Variants in POLR2F observed in about 807,000 individuals in gnomAD.
POLR2F encodes the protein DNA-directed RNA polymerases I, II, and III subunit RPABC2.
Under a neutral mutation model 22.7 loss-of-function variants are expected in POLR2F, and 12 were observed. That is an observed-to-expected ratio of 0.53 (90% CI 0.34 to 0.86). The LOEUF is 0.86. POLR2F is among the 40% of genes least tolerant of loss of function. The pLI is 0.02. For synonymous variants in POLR2F, 57 were observed against 66.0 expected (o/e 0.86, Z 0.66); for missense variants, 126 against 171.5 (o/e 0.73, Z 1.48).
At chr22:37,976,502 G>A (rs1021391528) in intron 4 of POLR2F, among the ~76,000 whole-genome samples, 16 of 152,206 alleles carry the variant, frequency 1.1e-4, no homozygotes, top group African/African-American at 3.1e-4. Flanking sequence ...GTAGGACTCA[G>A]AGCGTGTCCT....
intron 2 of POLR2F, 29 bp downstream of exon 2, chr22:37,956,871 C>T: frequency 1.3e-6 from 2 of 1,570,500 alleles, no homozygotes; most frequent in South Asian, 1.1e-5. Flanking sequence ...GCTCCCACCT[C>T]TGCAGCCCAA....
At chr22:37,976,623 C>T (rs902758518) in intron 4 of POLR2F, among the ~76,000 whole-genome samples, 1 of 152,132 alleles carries the variant, frequency 6.6e-6, no homozygotes, top group South Asian at 2.1e-4. Context: ...AGCAGATGCC[C>T]GGGAGCCAAA....
chr22:38,018,918 G>A (rs555564143), intron 1 of POLR2F, among the ~76,000 whole-genome samples: 1 of 152,142 alleles, frequency 6.6e-6, no homozygotes, highest in Non-Finnish European at 1.5e-5. Context: ...AGGATGGCTC[G>A]GGCACATGAA....
chr22:37,955,182 G>A (rs868366801), intron 1 of POLR2F, among the ~76,000 whole-genome samples: 1 of 151,690 alleles, frequency 6.6e-6, no homozygotes, highest in Non-Finnish European at 1.5e-5. Flanking sequence ...GGCTATAGGG[G>A]GAGAGAGAAG....
intron 2 of POLR2F, among the ~76,000 whole-genome samples, chr22:37,958,178 C>A (rs1432852932): frequency 6.7e-6 from 1 of 150,344 alleles, no homozygotes; most frequent in Admixed American, 6.7e-5. Flanking sequence ...ATGCCCAGCT[C>A]AGAGTCAACT....
chr22:38,010,911 C>A (rs1444101505), intron 1 of POLR2F, among the ~76,000 whole-genome samples: 2 of 152,064 alleles, frequency 1.3e-5, no homozygotes, highest in African/African-American at 4.8e-5. Context: ...GCCACTGCAC[C>A]CAGCCTTAAT....
At chr22:38,012,297 G>T (rs760445859) in intron 1 of POLR2F, among the ~76,000 whole-genome samples, 1 of 152,110 alleles carries the variant, frequency 6.6e-6, no homozygotes, top group Non-Finnish European at 1.5e-5. Flanking sequence ...GGCCAGGCTG[G>T]TCTCGAACTC....
At chr22:38,035,584 C>T (rs2145835118) in intron 5 of POLR2F, among the ~76,000 whole-genome samples, 4 of 152,356 alleles carry the variant, frequency 2.6e-5, no homozygotes, top group Admixed American at 2.6e-4. Context: ...ACCGGCCTCT[C>T]TGCCATCTGA....
At chr22:38,039,103 C>G (rs2085146676) in intron 5 of POLR2F, among the ~76,000 whole-genome samples, 1 of 152,244 alleles carries the variant, frequency 6.6e-6, no homozygotes, top group African/African-American at 2.4e-5. Flanking sequence ...CCGGGAGCGG[C>G]TCCCCTCTGA....
At chr22:38,005,192 G>A (rs937632720) in intron 1 of POLR2F, among the ~76,000 whole-genome samples, 1 of 152,230 alleles carries the variant, frequency 6.6e-6, no homozygotes, top group Non-Finnish European at 1.5e-5. Context: ...GAGCACTCAG[G>A]AAGTGGTAGG....
At chr22:37,959,210 C>A (rs1053081410) in intron 2 of POLR2F, 136 bp from the exon 3 acceptor site, 2 of 788,020 alleles carry the variant, frequency 2.5e-6, no homozygotes, top group African/African-American at 3.5e-5. Flanking sequence ...TGTTAGGAAG[C>A]AGTTATGTGG....
intron 2 of POLR2F, chr22:38,026,227 G>A (rs1261033609): frequency 1.9e-6 from 1 of 532,840 alleles, no homozygotes; most frequent in Non-Finnish European, 3.9e-6. Flanking sequence ...TGAATAGGCA[G>A]CTTCTGAGCA....
downstream of POLR2F, among the ~76,000 whole-genome samples, chr22:38,028,739 G>A (rs947655464): frequency 5.9e-5 from 9 of 152,088 alleles, no homozygotes; most frequent in Non-Finnish European, 1.2e-4. Context: ...AGCCTGTCCC[G>A]CTCCTGCACA....
chr22:38,003,073 G>A (rs1029512152), intron 1 of POLR2F, among the ~76,000 whole-genome samples: 6 of 152,096 alleles, frequency 3.9e-5, no homozygotes, highest in Non-Finnish European at 8.8e-5. Context: ...AAGGTTCAGA[G>A]AAGGGAAAGC....
rs11544441 is a variant in POLR2F at position 37,959,396 on chromosome 22, C to T, written c.141C>T (p.Ala47=). The stretch of plus-strand genomic sequence containing the variant: ...TCCCCTCTGGGGAGCGACCGCAGGC[C>T]AACCAGAAGCGAATCACCACACCAT... ...EILPSGERPQ[A]NQKRITTPYM... Residue 47 remains alanine, a synonymous_variant, in exon 3 of 5, where the codon GCC becomes GCT. Transcript: ENST00000442738. The T allele has an allele frequency of 6.2e-6, 10 of 1,614,090 alleles. No individual in the cohort carries two copies. The highest frequency in any genetic ancestry group is 8.5e-6 in the Non-Finnish European group (10 of 1,179,972).
chr22:38,014,638 C>T (rs1166948947), intron 1 of POLR2F, among the ~76,000 whole-genome samples: 1 of 150,626 alleles, frequency 6.6e-6, no homozygotes, highest in Admixed American at 6.6e-5. Flanking sequence ...GACTACAGGA[C>T]CATGCCCAGC....
In POLR2F at chr22:37,968,841, G is replaced by C; in HGVS notation, c.*1126G>C. 1 of 985,600 alleles carries C rather than the reference G, an allele frequency of 1.0e-6. No homozygotes were observed. Among genetic ancestry groups the C allele is most frequent in the Non-Finnish European group, 1.2e-6 (1 of 830,050 alleles). 61.1% of individuals were successfully genotyped at this position (985,600 alleles called of 1,614,324 possible). On this transcript the variant is annotated 3_prime_UTR_variant, in exon 5 of 5. Transcript: ENST00000442738. ...CTGGCCCTGGGATGGGATGTGGGGA[G>C]TGAATGGTGAGGATCTGCATTGGTG...
intron 5 of POLR2F, among the ~76,000 whole-genome samples, chr22:38,039,100 C>A (rs1317267355): frequency 2.0e-5 from 3 of 152,186 alleles, no homozygotes; most frequent in African/African-American, 7.2e-5. Context: ...CTCCCGGGAG[C>A]GGCTCCCCTC....
At chr22:37,994,239 G>T (rs1293793874) in intron 1 of POLR2F, among the ~76,000 whole-genome samples, 2 of 152,142 alleles carry the variant, frequency 1.3e-5, no homozygotes, top group African/African-American at 4.8e-5. Flanking sequence ...AGGGGCTTCG[G>T]TTCACACAGG....
Sources: allele counts gnomAD v4.1 joint callset (sites outside exome capture counted in the v4.1 genomes callset), GRCh38; gene constraint gnomAD v4.1.1; transcripts MANE v1.5; gene names NCBI Gene and HGNC (gene_info 2026-07-23, HGNC 2026-07-21).